Variants in BRF1 observed in about 807,000 individuals in gnomAD.
BRF1 encodes the protein BRF1 general transcription factor IIIB subunit, also known as transcription factor IIIB 90 kDa subunit.
In BRF1, 59 loss-of-function variants were observed where a neutral mutation model predicts 81.7. The ratio of observed to expected loss-of-function variants is 0.72; its 90% confidence interval spans 0.59 to 0.90. The LOEUF is 0.90. BRF1 is among the 40% of genes least tolerant of loss of function. The pLI is 0.00. For synonymous variants in BRF1, 491 were observed against 395.6 expected (o/e 1.24, Z -2.86); for missense variants, 1,050 against 936.3 (o/e 1.12, Z -1.58).
At chr14:105,246,860 G>A (rs1312844603) in intron 5 of BRF1, 3 of 985,378 alleles carry the variant, frequency 3.0e-6, no homozygotes, top group African/African-American at 3.5e-5. Context: ...TCAAGACGCT[G>A]ACTACCTCTG....
chr14:105,241,734 T>C (rs2054668178), intron 5 of BRF1: 2 of 407,534 alleles, frequency 4.9e-6, no homozygotes, highest in East Asian at 4.9e-5. Flanking sequence ...CTCCAGACCA[T>C]GCAGACAGCA....
chr14:105,220,581 C>T (rs1045721000), intron 11 of BRF1, among the ~76,000 whole-genome samples: 6 of 152,132 alleles, frequency 3.9e-5, no homozygotes, highest in Admixed American at 6.5e-5. Context: ...GAAATGATTC[C>T]GGAGTCCAGG....
intron 3 of BRF1, 139 bp downstream of exon 3, chr14:105,272,582 T>C: frequency 1.7e-6 from 2 of 1,157,174 alleles, no homozygotes; most frequent in East Asian, 5.3e-5. Flanking sequence ...CTGGATCAAC[T>C]GAAACAGTTC....
At chr14:105,252,668 C>A in intron 4 of BRF1, 89 bp from the exon 5 acceptor site, 1 of 1,379,886 alleles carries the variant, frequency 7.2e-7, no homozygotes, top group South Asian at 1.4e-5. Flanking sequence ...CTTGTGCAGT[C>A]TTTAAAGACT....
At chr14:105,303,595 T>C (rs1384973463), upstream of BRF1, among the ~76,000 whole-genome samples, 3 of 152,224 alleles carry the variant, frequency 2.0e-5, no homozygotes, top group Non-Finnish European at 4.4e-5. Context: ...AGATCTCTTT[T>C]CCTTTATAAA....
intron 3 of BRF1, among the ~76,000 whole-genome samples, chr14:105,262,162 G>A (rs587767401): frequency 7.2e-5 from 11 of 152,316 alleles, no homozygotes; most frequent in African/African-American, 2.2e-4. Context: ...CCTGGACGGG[G>A]CTATGACGGA....
At position 105,271,461 on chromosome 14, in the gene BRF1, C is replaced by T. The variant is rs956644513; in HGVS notation, c.439+1260G>A. ...TGGGAGGCAGACATGTGGCCGGGCACGCCACGCCCACCAGACACAGGGCAG... is the reference window on the plus strand; with the variant it reads ...TGGGAGGCAGACATGTGGCCGGGCATGCCACGCCCACCAGACACAGGGCAG... On this transcript the variant is annotated intron_variant, in intron 3 of 17. Transcript: ENST00000547530. The surrounding 1 kb of genome is among the most constrained non-coding windows in gnomAD (Gnocchi z 5.5). Among the ~76,000 whole-genome samples the T allele has an allele frequency of 5.3e-5, 8 of 152,202 alleles. No homozygotes were observed. The highest frequency in any genetic ancestry group is 1.0e-4 in the Non-Finnish European group (7 of 68,042).
intron 15 of BRF1, among the ~76,000 whole-genome samples, chr14:105,214,425 C>A (rs1890688689): frequency 1.3e-5 from 2 of 152,050 alleles, no homozygotes. Flanking sequence ...CTCAGCTGCC[C>A]ACACCCATGC....
At chr14:105,274,845 T>G (rs1362638532) in intron 2 of BRF1, among the ~76,000 whole-genome samples, 2 of 152,134 alleles carry the variant, frequency 1.3e-5, no homozygotes, top group Non-Finnish European at 2.9e-5. Flanking sequence ...GTCTGCACAG[T>G]GGGCGTCGTG....
At chr14:105,288,634 TTTC>T (rs1169219509) in intron 1 of BRF1, among the ~76,000 whole-genome samples, 5 of 148,542 alleles carry the variant, frequency 3.4e-5, no homozygotes, top group Admixed American at 1.3e-4. Flanking sequence ...TCTTTCTTTC[TTTC>T]TTTTTTTTTT....
chr14:105,301,709 C>T (rs1444224798), upstream of BRF1, among the ~76,000 whole-genome samples: 4 of 152,376 alleles, frequency 2.6e-5, no homozygotes, highest in African/African-American at 9.6e-5. Flanking sequence ...TCGTGGCCAC[C>T]TGTGGTTACC....
chr14:105,291,016 GCC>G (rs1227603616), intron 1 of BRF1, among the ~76,000 whole-genome samples: 1 of 152,096 alleles, frequency 6.6e-6, no homozygotes, highest in Non-Finnish European at 1.5e-5. Flanking sequence ...CTGCCAGGAT[GCC>G]CTCTACTTCT....
intron 3 of BRF1, among the ~76,000 whole-genome samples, chr14:105,262,808 T>G (rs908497447): frequency 1.3e-4 from 20 of 152,132 alleles, no homozygotes; most frequent in African/African-American, 4.6e-4. Context: ...TAAGGTGCAG[T>G]GTCTCAGCTC....
At chr14:105,299,506 T>A (rs1408252933) in intron 1 of BRF1, among the ~76,000 whole-genome samples, 1 of 151,656 alleles carries the variant, frequency 6.6e-6, no homozygotes, top group Non-Finnish European at 1.5e-5. Flanking sequence ...GCCTAGGAGT[T>A]CAAGGCTGCA....
intron 3 of BRF1, among the ~76,000 whole-genome samples, chr14:105,259,609 G>A (rs1186906161): frequency 6.6e-6 from 1 of 152,168 alleles, no homozygotes; most frequent in Non-Finnish European, 1.5e-5. Flanking sequence ...AACACCATGG[G>A]CGCCTCTCAA....
intron 1 of BRF1, among the ~76,000 whole-genome samples, chr14:105,296,103 C>A (rs1222051549): frequency 6.9e-4 from 87 of 126,760 alleles, no homozygotes; most frequent in Non-Finnish European, 6.7e-4. Context: ...AAAAAAAAAA[C>A]TCAAGGAGTG....
chr14:105,243,285 CAA>C (rs3083977), intron 5 of BRF1, among the ~76,000 whole-genome samples: 12 of 127,698 alleles, frequency 9.4e-5, no homozygotes, highest in Admixed American at 8.1e-5. Context: ...TACTAAAATA[CAA>C]AAAAAAAAAA....
chr14:105,212,118 C>A lies in BRF1; in HGVS notation c.1819G>T (p.Gly607Ter). The A allele has an allele frequency of 6.2e-7, 1 of 1,612,818 alleles. No individual in the cohort carries two copies. Among genetic ancestry groups the A allele is most frequent in the Non-Finnish European group, 8.5e-7 (1 of 1,179,724 alleles). The change falls in exon 16 of 18, where the codon GGA becomes TGA. Residue 607 changes from glycine to a stop codon, truncating the protein, a stop_gained. Coordinates refer to ENST00000547530, the MANE Select transcript of BRF1 (RefSeq NM_001519.4). LOFTEE classifies it high-confidence loss of function. ...STQPAKKVAT[G>*]EALLPSSPTL... Reference sequence around the variant, plus strand: ...GGCTGCGTGGGACAACACACCTCTCCCGTGGCCACCTTCTTTGCTGGCTGC... The same window carrying A: ...GGCTGCGTGGGACAACACACCTCTCACGTGGCCACCTTCTTTGCTGGCTGC...
chr14:105,289,043 A>AG (rs1168280289), intron 1 of BRF1, among the ~76,000 whole-genome samples: 1 of 151,478 alleles, frequency 6.6e-6, no homozygotes, highest in African/African-American at 2.4e-5. Flanking sequence ...CTCAAAAAAA[A>AG]AAAAAAAAAG....
Sources: gnomAD v4.1 joint callset for allele counts (sites outside exome capture counted in the v4.1 genomes callset) on GRCh38, gnomAD v4.1.1 for gene constraint, Gnocchi (gnomAD v3.1) non-coding constraint, MANE v1.5 for transcripts, NCBI Gene and HGNC (gene_info 2026-07-23, HGNC 2026-07-21) for gene names.